Variants in PPP1R1C observed in about 807,000 individuals in gnomAD.
The protein encoded by PPP1R1C is protein phosphatase 1 regulatory inhibitor subunit 1C, also known as protein phosphatase 1 regulatory subunit 1C.
In PPP1R1C, 15 loss-of-function variants were observed where a neutral mutation model predicts 17.4. The observed-to-expected ratio is 0.86, with a 90% CI of 0.58 to 1.33. The LOEUF is 1.33. Ranked by LOEUF, PPP1R1C falls within the 40% of genes most tolerant of loss-of-function variation. The pLI is 0.00. For missense variants in PPP1R1C, 143 were observed against 130.0 expected, an observed-to-expected ratio of 1.10 and a Z score of -0.48; for synonymous variants, 35 against 43.1, an observed-to-expected ratio of 0.81 and a Z score of 0.73.
At chr2:181,994,179 G>A (rs1247369152) in intron 2 of PPP1R1C, among the ~76,000 whole-genome samples, 1 of 151,896 alleles carries the variant, frequency 6.6e-6, no homozygotes, top group Non-Finnish European at 1.5e-5. Context: ...TTTAAAATAA[G>A]CATGCTACTG....
chr2:182,006,323 T>G (rs1685923798), intron 2 of PPP1R1C, among the ~76,000 whole-genome samples: 1 of 152,190 alleles, frequency 6.6e-6, no homozygotes, highest in Non-Finnish European at 1.5e-5. Flanking sequence ...CTTTGAAGAC[T>G]CTTAAAAATA....
intron 4 of PPP1R1C, among the ~76,000 whole-genome samples, chr2:182,099,159 T>C (rs571672437): frequency 5.9e-5 from 9 of 152,294 alleles, no homozygotes; most frequent in Admixed American, 5.9e-4. Flanking sequence ...GATGTTGACT[T>C]GTCAAGAGAT....
chr2:182,096,803 T>G (rs576023308), intron 4 of PPP1R1C, among the ~76,000 whole-genome samples: 47 of 152,194 alleles, frequency 3.1e-4, no homozygotes, highest in Admixed American at 6.5e-4. Context: ...TGTTATCAAG[T>G]AGCTCCTTCT....
chr2:182,118,507 C>T (rs758829016), downstream of PPP1R1C, among the ~76,000 whole-genome samples: 27 of 152,100 alleles, frequency 1.8e-4, no homozygotes, highest in Non-Finnish European at 1.8e-4. Context: ...TCTCAAAAGT[C>T]AGTAAAGGAC....
chr2:182,111,298 A>G (rs1689409110), intron 4 of PPP1R1C, among the ~76,000 whole-genome samples: 2 of 152,162 alleles, frequency 1.3e-5, no homozygotes, highest in Admixed American at 6.5e-5. Context: ...TGATGAAGAG[A>G]AAATCATATT....
chr2:182,054,967 G>GT (rs1687637963), intron 2 of PPP1R1C, among the ~76,000 whole-genome samples: 1 of 152,088 alleles, frequency 6.6e-6, no homozygotes. Context: ...GGCCCAGTGT[G>GT]TTTTTTAATT....
At chr2:182,077,645 T>C (rs1444908427) in intron 4 of PPP1R1C, among the ~76,000 whole-genome samples, 1 of 152,180 alleles carries the variant, frequency 6.6e-6, no homozygotes, top group East Asian at 1.9e-4. Context: ...GTATAAATAA[T>C]GTTCTGTTCT....
intron 1 of PPP1R1C, among the ~76,000 whole-genome samples, chr2:181,972,045 T>C (rs938377047): frequency 1.3e-5 from 2 of 152,230 alleles, no homozygotes; most frequent in African/African-American, 4.8e-5. Context: ...ATTGCTCACA[T>C]GATTTTTTTG....
intron 4 of PPP1R1C, among the ~76,000 whole-genome samples, chr2:182,092,754 T>G (rs1371746800): frequency 2.0e-5 from 3 of 152,176 alleles, no homozygotes. Flanking sequence ...CAAAGTGATC[T>G]CCTTTGACTC....
At chr2:181,956,281 C>A (rs577872016) in intron 1 of PPP1R1C, among the ~76,000 whole-genome samples, 78 of 152,288 alleles carry the variant, frequency 5.1e-4, no homozygotes, top group African/African-American at 1.8e-3. Flanking sequence ...GCCACATTTT[C>A]TTTATCCAGT....
intron 4 of PPP1R1C, among the ~76,000 whole-genome samples, chr2:182,066,764 A>G (rs1687993441): frequency 6.6e-6 from 1 of 152,182 alleles, no homozygotes; most frequent in Non-Finnish European, 1.5e-5. Flanking sequence ...GATTATCAGA[A>G]AAATGACAGC....
intron 4 of PPP1R1C, among the ~76,000 whole-genome samples, chr2:182,092,327 T>C (rs1349517011): frequency 6.6e-6 from 1 of 152,188 alleles, no homozygotes; most frequent in Non-Finnish European, 1.5e-5. Flanking sequence ...CCTGCTCCTA[T>C]GATTCAACCA....
intron 4 of PPP1R1C, among the ~76,000 whole-genome samples, chr2:182,114,242 T>G (rs370444527): frequency 1.3e-5 from 2 of 152,298 alleles, no homozygotes; most frequent in East Asian, 3.9e-4. Flanking sequence ...CTGATTGCCC[T>G]GTGCCAAGCC....
At chr2:182,059,712 ACTC>A (rs1055937595) in intron 2 of PPP1R1C, among the ~76,000 whole-genome samples, 11 of 150,576 alleles carry the variant, frequency 7.3e-5, no homozygotes, top group South Asian at 4.2e-4. Flanking sequence ...TATCAGCAGA[ACTC>A]AACAACAACA....
chr2:182,047,438 A>C (rs547230920), intron 2 of PPP1R1C, among the ~76,000 whole-genome samples: 1 of 152,300 alleles, frequency 6.6e-6, no homozygotes, highest in South Asian at 2.1e-4. Context: ...TGTTAAAAGT[A>C]TGTTTACAAT....
rs1253599597 is a variant in PPP1R1C, at chr2:182,117,532, T to C, written c.*237T>C. 2 of 392,836 alleles carry C rather than the reference T, an allele frequency of 5.1e-6. No homozygotes were observed. The highest frequency in any genetic ancestry group is 9.2e-6 in the Non-Finnish European group (2 of 217,894). The allele number at this position is 392,836 out of a possible 1,614,324, so 24.3% of individuals were successfully genotyped here. ...GCATTTATTTTACAGTGATTCTTCTTTTTAACTATGTAAAAATTTGCATAC... is the reference window on the plus strand; with the variant it reads ...GCATTTATTTTACAGTGATTCTTCTCTTTAACTATGTAAAAATTTGCATAC... On this transcript the variant is annotated 3_prime_UTR_variant, in exon 5 of 5. Coordinates refer to ENST00000682840, the MANE Select transcript of PPP1R1C (RefSeq NM_001080545.3).
intron 2 of PPP1R1C, among the ~76,000 whole-genome samples, chr2:182,024,447 T>A (rs1302420979): frequency 1.3e-5 from 2 of 152,094 alleles, no homozygotes; most frequent in African/African-American, 4.8e-5. Flanking sequence ...ATTGTTAAAA[T>A]AATATTCTCT....
At chr2:182,003,576 A>T (rs1240699071) in intron 2 of PPP1R1C, among the ~76,000 whole-genome samples, 1 of 152,126 alleles carries the variant, frequency 6.6e-6, no homozygotes, top group African/African-American at 2.4e-5. Flanking sequence ...ACAGTTAGGT[A>T]GCAGTTTATA....
Position 181,957,698 on chromosome 2 carries a change from A to G in PPP1R1C, n.111+3064A>G, listed in dbSNP as rs2125129529. Among the ~76,000 whole-genome samples, 1 of 152,244 alleles carries G rather than the reference A, an allele frequency of 6.6e-6. No individual in the cohort carries two copies. On this transcript the variant is annotated intron_variant and non_coding_transcript_variant, in intron 1 of 5. Coordinates refer to the PPP1R1C transcript ENST00000464264. The surrounding 1 kb of genome is among the most constrained non-coding windows in gnomAD (Gnocchi z 4.2). ...GATAATTCCCATTGCATACCTTAGGAATCTGTCTCCCATGCCCCACTCAGC... is the reference window on the plus strand; with the variant it reads ...GATAATTCCCATTGCATACCTTAGGGATCTGTCTCCCATGCCCCACTCAGC...
Sources: allele counts gnomAD v4.1 joint callset (sites outside exome capture counted in the v4.1 genomes callset), GRCh38; gene constraint gnomAD v4.1.1; non-coding constraint Gnocchi (gnomAD v3.1); transcripts MANE v1.5; gene names NCBI Gene and HGNC (gene_info 2026-07-23, HGNC 2026-07-21).